NETO1: variants seen among roughly 807,000 people sequenced by gnomAD.
The protein encoded by NETO1 is neuropilin and tolloid like 1, also known as neuropilin and tolloid-like protein 1.
NETO1 carries 26 observed loss-of-function variants against 61.3 expected under a neutral mutation model. That is an observed-to-expected ratio of 0.42 (90% CI 0.31 to 0.59). The LOEUF (loss-of-function observed/expected upper bound fraction) is 0.59, where lower values mean the gene tolerates loss of function less well. Among genes scored for constraint, NETO1 ranks in the 20% least tolerant of loss-of-function variants. The pLI is 0.12. For synonymous variants in NETO1, 225 were observed against 225.8 expected, an observed-to-expected ratio of 1.00 and a Z score of 0.03; for missense variants, 531 against 662.8, an observed-to-expected ratio of 0.80 and a Z score of 2.18.
intron 1 of NETO1, chr18:72,866,722 TAC>T: frequency 2.0e-6 from 2 of 987,524 alleles, no homozygotes; most frequent in Non-Finnish European, 2.4e-6. Flanking sequence ...TTCCCACCTC[TAC>T]ACTGCCCGCG....
rs563595021 is a variant in NETO1, at chr18:72,830,799, C to T, written c.469+28027G>A. 2.6e-5 allele frequency among the ~76,000 whole-genome samples: 4 copies of T among 152,244 alleles called. No individual in the cohort carries two copies. The highest frequency in any genetic ancestry group is 9.6e-5 in the African/African-American group (4 of 41,536). On this transcript the variant is annotated intron_variant, in intron 4 of 10. Transcript: ENST00000327305. This position sits in a 1 kb window ranked among gnomAD's most constrained non-coding sequence, Gnocchi z 4.9. ...TTCTTAATCCTTCCATCACAAGATT[C>T]CTTTCACAGAAAAGGTTTCCGAAAG...
intron 4 of NETO1, among the ~76,000 whole-genome samples, chr18:72,796,814 A>G (rs2145295256): frequency 6.6e-6 from 1 of 152,314 alleles, no homozygotes; most frequent in African/African-American, 2.4e-5. Flanking sequence ...AAAAAACTGT[A>G]AGCAATCTCC....
At chr18:72,865,523 G>A in intron 1 of NETO1, 1 of 1,586,478 alleles carries the variant, frequency 6.3e-7, no homozygotes, top group Non-Finnish European at 8.6e-7. Context: ...ATTTACTCAT[G>A]TCACACACAG....
intron 4 of NETO1, among the ~76,000 whole-genome samples, chr18:72,812,854 AC>A (rs1425951603): frequency 1.3e-5 from 2 of 152,244 alleles, no homozygotes; most frequent in Non-Finnish European, 2.9e-5. Flanking sequence ...CCCTGTCAGA[AC>A]AAACTACCTC....
At chr18:72,843,275 AG>A (rs1165332682) in intron 4 of NETO1, among the ~76,000 whole-genome samples, 10 of 152,224 alleles carry the variant, frequency 6.6e-5, no homozygotes, top group Non-Finnish European at 1.3e-4. Flanking sequence ...TGTAAATCCT[AG>A]CAGAGAGAAT....
chr18:72,789,979 A>G (rs185592870), intron 6 of NETO1, among the ~76,000 whole-genome samples: 1 of 152,322 alleles, frequency 6.6e-6, no homozygotes, highest in Non-Finnish European at 1.5e-5. Context: ...TTAGATAAGT[A>G]ACTTTAATAC....
intron 8 of NETO1, among the ~76,000 whole-genome samples, chr18:72,755,476 C>T (rs374036915): frequency 4.6e-5 from 7 of 152,160 alleles, no homozygotes; most frequent in African/African-American, 9.6e-5. Flanking sequence ...ATCCAGCCAA[C>T]GATCCCTGTT....
chr18:72,767,444 C>A (rs1032522758), intron 7 of NETO1, among the ~76,000 whole-genome samples: 1 of 151,960 alleles, frequency 6.6e-6, no homozygotes, highest in South Asian at 2.1e-4. Flanking sequence ...CTAAATGGTT[C>A]GATGGAAAGT....
intron 6 of NETO1, among the ~76,000 whole-genome samples, chr18:72,787,278 C>T (rs2071953950): frequency 6.6e-6 from 1 of 151,424 alleles, no homozygotes; most frequent in Admixed American, 6.6e-5. Context: ...TAAACATTGT[C>T]ACAAGCAGGA....
intron 4 of NETO1, among the ~76,000 whole-genome samples, chr18:72,840,884 CAGAT>C (rs2073908745): frequency 6.6e-6 from 1 of 152,182 alleles, no homozygotes; most frequent in Non-Finnish European, 1.5e-5. Context: ...CGTCAACTAT[CAGAT>C]AGTTAAATGT....
At chr18:72,763,218 C>T (rs1389702784) in intron 7 of NETO1, among the ~76,000 whole-genome samples, 1 of 151,736 alleles carries the variant, frequency 6.6e-6, no homozygotes, top group African/African-American at 2.4e-5. Context: ...AGATTTGAGA[C>T]ACTGATGTTT....
chr18:72,767,881 G>GT (rs1476858230), intron 7 of NETO1, among the ~76,000 whole-genome samples: 2 of 152,138 alleles, frequency 1.3e-5, no homozygotes, highest in Non-Finnish European at 2.9e-5. Context: ...CCAAGTTTCA[G>GT]TATGTTGTTA....
chr18:72,806,496 C>T (rs1281198355), intron 4 of NETO1, among the ~76,000 whole-genome samples: 1 of 152,122 alleles, frequency 6.6e-6, no homozygotes, highest in African/African-American at 2.4e-5. Flanking sequence ...TATCTTCCTC[C>T]AATTCTGAAA....
intron 6 of NETO1, among the ~76,000 whole-genome samples, chr18:72,785,044 T>C (rs532703910): frequency 6.6e-6 from 1 of 152,204 alleles, no homozygotes; most frequent in Non-Finnish European, 1.5e-5. Context: ...TAAAGACACA[T>C]CTTTCATACA....
chr18:72,842,966 G>C (rs1427342125), intron 4 of NETO1, among the ~76,000 whole-genome samples: 1 of 152,098 alleles, frequency 6.6e-6, no homozygotes, highest in African/African-American at 2.4e-5. Context: ...TTTTTAGAAA[G>C]CAGAAATCAC....
At chr18:72,820,630 T>C (rs2073164236) in intron 4 of NETO1, among the ~76,000 whole-genome samples, 2 of 152,238 alleles carry the variant, frequency 1.3e-5, no homozygotes, top group Non-Finnish European at 2.9e-5. Flanking sequence ...TGGATGCGTC[T>C]GGATGAGATT....
chr18:72,812,703 T>C (rs1404831380), intron 4 of NETO1, among the ~76,000 whole-genome samples: 1 of 152,220 alleles, frequency 6.6e-6, no homozygotes, highest in South Asian at 2.1e-4. Flanking sequence ...CCGGTCTCTC[T>C]AGAATGTACC....
chr18:72,780,819 T>C (rs2071710707), intron 7 of NETO1, among the ~76,000 whole-genome samples: 1 of 152,176 alleles, frequency 6.6e-6, no homozygotes, highest in South Asian at 2.1e-4. Flanking sequence ...AAACATTTCT[T>C]CTTATTTGGC....
At chr18:72,769,962 C>T (rs146329842) in intron 7 of NETO1, among the ~76,000 whole-genome samples, 1,680 of 151,996 alleles carry the variant, frequency 0.011, 22 homozygotes, top group East Asian at 0.027. Context: ...ATCTTTGTTC[C>T]CTATTTTGGA....
Sources: gnomAD v4.1 joint callset for allele counts (sites outside exome capture counted in the v4.1 genomes callset) on GRCh38, gnomAD v4.1.1 for gene constraint, Gnocchi (gnomAD v3.1) non-coding constraint, MANE v1.5 for transcripts, NCBI Gene and HGNC (gene_info 2026-07-23, HGNC 2026-07-21) for gene names.